The following KATNAL1 variants were observed in gnomAD, a reference collection of about 807,000 sequenced individuals.
KATNAL1 encodes the protein katanin p60 ATPase-containing subunit A-like 1.
A neutral mutation model predicts 55.2 loss-of-function variants in KATNAL1; 32 were observed. That is an observed-to-expected ratio of 0.58 (90% CI 0.44 to 0.78). The LOEUF (loss-of-function observed/expected upper bound fraction) is 0.78, where lower values mean the gene tolerates loss of function less well. Ranked by LOEUF, KATNAL1 falls within the 30% of genes least tolerant of loss-of-function variation. The pLI is 0.00. For synonymous variants in KATNAL1, 193 were observed against 193.6 expected (o/e 1.00, Z 0.02); for missense variants, 466 against 600.9 (o/e 0.78, Z 2.35).
intron 3 of KATNAL1, among the ~76,000 whole-genome samples, chr13:30,256,067 A>C (rs1878759458): frequency 6.6e-6 from 1 of 152,248 alleles, no homozygotes; most frequent in South Asian, 2.1e-4. Flanking sequence ...TTTCTGTTTT[A>C]CAACCAAGAT....
At chr13:30,229,899 A>T (rs1875911894) in intron 8 of KATNAL1, among the ~76,000 whole-genome samples, 1 of 151,476 alleles carries the variant, frequency 6.6e-6, no homozygotes, top group South Asian at 2.1e-4. Context: ...TTATTTACAT[A>T]TGTTTATGAA....
In KATNAL1 at chr13:30,240,983, A is replaced by G. The variant is rs1181571033; in HGVS notation, c.596T>C (p.Val199Ala). 6.2e-7 allele frequency: 1 copy of G among 1,613,282 alleles called. No homozygotes were observed. Among genetic ancestry groups the G allele is most frequent in the East Asian group, 2.2e-5 (1 of 44,838 alleles). ...CCAATGAATGCTAGGATTCCTGGATACAATGTCTCTTTCAAGGGCTTCCAC... is the reference window on the plus strand; with the variant it reads ...CCAATGAATGCTAGGATTCCTGGATGCAATGTCTCTTTCAAGGGCTTCCAC... ...DLVEALERDI[V>A]SRNPSIHWDD... The change falls in exon 5 of 11, where the codon GTA (valine) becomes GCA (alanine). Residue 199 changes from valine to alanine, a missense_variant. Coordinates refer to ENST00000380615, the MANE Select transcript of KATNAL1 (RefSeq NM_032116.5).
chr13:30,269,939 G>A (rs1880136759), intron 3 of KATNAL1, among the ~76,000 whole-genome samples: 1 of 150,740 alleles, frequency 6.6e-6, no homozygotes, highest in Non-Finnish European at 1.5e-5. Context: ...CCGTCCGGGA[G>A]GTGAGGGGCA....
chr13:30,217,605 C>T (rs980668188), intron 9 of KATNAL1, among the ~76,000 whole-genome samples: 1 of 152,174 alleles, frequency 6.6e-6, no homozygotes, highest in Non-Finnish European at 1.5e-5. Context: ...AGGAATCATA[C>T]ACTCCTTATA....
In KATNAL1 at chr13:30,230,573, T is replaced by C. The variant is rs1373781781; in HGVS notation, c.907A>G (p.Thr303Ala). ...GAATCTATCTCATCAATGAAGATCG[T>C]GGTAGGGGCATAAAATCTAGCCTTT... ...FEMARFYAPT[T>A]IFIDEIDSIC... is the part of the protein sequence containing the mutation. Residue 303 changes from threonine to alanine, a missense_variant, in exon 8 of 11, where the codon ACG (threonine) becomes GCG (alanine). Thr to Ala is a moderately conservative substitution (Grantham distance 58). Coordinates refer to ENST00000380615, the MANE Select transcript of KATNAL1 (RefSeq NM_032116.5). 5 of 1,607,664 alleles carry C rather than the reference T, an allele frequency of 3.1e-6. No individual in the cohort carries two copies. Among genetic ancestry groups the C allele is most frequent in the Non-Finnish European group, 4.3e-6 (5 of 1,176,096 alleles).
intron 8 of KATNAL1, among the ~76,000 whole-genome samples, chr13:30,228,236 G>C (rs1166527562): frequency 6.6e-6 from 1 of 151,930 alleles, no homozygotes; most frequent in Non-Finnish European, 1.5e-5. Flanking sequence ...AGAAATAAAA[G>C]ATAAAAAAAC....
chr13:30,230,434 G>C, intron 8 of KATNAL1, 34 bp downstream of exon 8: 1 of 1,586,412 alleles, frequency 6.3e-7, no homozygotes. Flanking sequence ...ATTTAAAAAT[G>C]AGAGTTTTGA....
chr13:30,244,805 T>C (rs1445362581), intron 4 of KATNAL1, among the ~76,000 whole-genome samples: 2 of 151,784 alleles, frequency 1.3e-5, no homozygotes, highest in African/African-American at 4.8e-5. Flanking sequence ...CTAGAAGAAA[T>C]GGATAAATTC....
At chr13:30,296,471 A>AGACGCTTG (rs71093038) in intron 1 of KATNAL1, 176,361 of 749,306 alleles carry the variant, frequency 0.24, 21,617 homozygotes, top group East Asian at 0.34. Flanking sequence ...TAATGTGGCA[A>AGACGCTTG]TCTGAGGATT....
intron 3 of KATNAL1, among the ~76,000 whole-genome samples, chr13:30,261,150 T>C (rs1879254003): frequency 6.6e-6 from 1 of 151,730 alleles, no homozygotes; most frequent in East Asian, 1.9e-4. Context: ...ATAAAATACT[T>C]TACAGACAAG....
rs1398251794 is a variant in KATNAL1, at chr13:30,281,314, A to C, written c.163-1091T>G. Reference sequence around the variant, plus strand: ...AGATCCAAAGAAAAAGCTAGGTAAAATTCAACAGCTAATACATGCAATTAC... The same window carrying C: ...AGATCCAAAGAAAAAGCTAGGTAAACTTCAACAGCTAATACATGCAATTAC... On this transcript the variant is annotated intron_variant, in intron 2 of 10. Transcript: ENST00000380615. 3.3e-5 allele frequency among the ~76,000 whole-genome samples: 5 copies of C among 152,140 alleles called. No homozygotes were observed. In the East Asian group the frequency reaches 9.6e-4, roughly 29 times the overall value.
chr13:30,281,204 C>T (rs927328454), intron 2 of KATNAL1, among the ~76,000 whole-genome samples: 1 of 144,586 alleles, frequency 6.9e-6, no homozygotes, highest in African/African-American at 2.6e-5. Flanking sequence ...CCAGAAAGCA[C>T]GTCACACTGT....
At position 30,205,896 on chromosome 13, in the gene KATNAL1, G is replaced by A. The variant is rs1873092049; in HGVS notation, c.*2644C>T. 3.0e-5 allele frequency: 4 copies of A among 131,940 alleles called. No homozygotes were observed. 8.2% of individuals were successfully genotyped at this position (131,940 alleles called of 1,614,324 possible). A position where few individuals can be genotyped will look rare whatever the true frequency, so the allele number is the denominator to read the frequency against. Reference sequence around the variant, plus strand: ...CGCCTGTAATCCTAGCACTCATTCTGGGTAAGGCAACACACTGTCTTCTGA... The same window carrying A: ...CGCCTGTAATCCTAGCACTCATTCTAGGTAAGGCAACACACTGTCTTCTGA... On this transcript the variant is annotated 3_prime_UTR_variant, in exon 11 of 11. Transcript: ENST00000380615.
intron 1 of KATNAL1, among the ~76,000 whole-genome samples, chr13:30,288,742 A>G (rs952114145): frequency 6.7e-6 from 1 of 149,568 alleles, no homozygotes; most frequent in African/African-American, 2.4e-5. Flanking sequence ...TCTAAATTCA[A>G]AAGTTTGCAA....
intron 3 of KATNAL1, among the ~76,000 whole-genome samples, chr13:30,270,502 T>C (rs1225623823): frequency 4.6e-5 from 7 of 151,948 alleles, no homozygotes; most frequent in South Asian, 2.1e-4. Context: ...GGGGAAAAGA[T>C]TGAGAAATCG....
intron 3 of KATNAL1, among the ~76,000 whole-genome samples, chr13:30,270,062 G>A (rs1325178311): frequency 5.5e-3 from 566 of 102,368 alleles, no homozygotes; most frequent in East Asian, 0.015. Flanking sequence ...CGCCCCATCC[G>A]GGAGGGAGGT....
intron 2 of KATNAL1, among the ~76,000 whole-genome samples, chr13:30,280,956 C>A (rs1881235238): frequency 6.6e-6 from 1 of 151,248 alleles, no homozygotes; most frequent in Non-Finnish European, 1.5e-5. Context: ...CCTGGGGAAA[C>A]AAAAAAATTA....
At chr13:30,281,393 TAGTAGAAATGTCTG>T (rs1328732645) in intron 2 of KATNAL1, among the ~76,000 whole-genome samples, 2 of 152,058 alleles carry the variant, frequency 1.3e-5, no homozygotes, top group Admixed American at 6.5e-5. Context: ...GAAAGAAACA[TAGTAGAAATGTCTG>T]AGTAGAAATG....
chr13:30,282,359 C>G (rs1378128790), intron 2 of KATNAL1, among the ~76,000 whole-genome samples: 1 of 152,088 alleles, frequency 6.6e-6, no homozygotes, highest in East Asian at 1.9e-4. Context: ...TATTTCAGGT[C>G]CAGCACAGTG....
Sources: gnomAD v4.1 joint callset for allele counts (sites outside exome capture counted in the v4.1 genomes callset) on GRCh38, gnomAD v4.1.1 for gene constraint, MANE v1.5 for transcripts, NCBI Gene and HGNC (gene_info 2026-07-23, HGNC 2026-07-21) for gene names.